The following IDO2 variants were observed in gnomAD, a reference collection of about 807,000 sequenced individuals.
IDO2 encodes indoleamine 2,3-dioxygenase 2.
Under a neutral mutation model 45.1 loss-of-function variants are expected in IDO2, and 46 were observed. The ratio of observed to expected loss-of-function variants is 1.02; its 90% CI spans 0.80 to 1.30. The LOEUF (loss-of-function observed/expected upper bound fraction) is 1.30. IDO2 is among the 50% of genes most tolerant of loss of function. The pLI, the probability that IDO2 is intolerant of heterozygous loss-of-function variation, is 0.00. For missense variants in IDO2, 544 were observed against 491.8 expected (o/e 1.11, Z -1.00); for synonymous variants, 218 against 184.9 (o/e 1.18, Z -1.45).
intron 2 of IDO2, among the ~76,000 whole-genome samples, chr8:39,952,519 A>C (rs1303457445): frequency 1.3e-5 from 2 of 152,152 alleles, no homozygotes; most frequent in African/African-American, 4.8e-5. Context: ...ATTCTATCCC[A>C]CTGTTTCTGT....
chr8:39,936,337 A>ATTTT, intron 1 of IDO2, among the ~76,000 whole-genome samples: 1 of 152,352 alleles, frequency 6.6e-6, no homozygotes, highest in Non-Finnish European at 1.5e-5. Flanking sequence ...ATCTTGGAAA[A>ATTTT]TGTGTGAGAA....
chr8:39,998,181 T>A (rs1246584633), intron 8 of IDO2: 1 of 159,580 alleles, frequency 6.3e-6, no homozygotes, highest in African/African-American at 2.4e-5. Flanking sequence ...ATCTTTCACT[T>A]GCCTCAGGTG....
chr8:39,948,938 T>C (rs1325243230), intron 1 of IDO2, among the ~76,000 whole-genome samples: 1 of 152,180 alleles, frequency 6.6e-6, no homozygotes, highest in Non-Finnish European at 1.5e-5. Flanking sequence ...TCTTTGAGTT[T>C]GTTTGGTTTG....
intron 5 of IDO2, among the ~76,000 whole-genome samples, chr8:39,984,741 A>C (rs1319127261): frequency 6.6e-6 from 1 of 152,204 alleles, no homozygotes; most frequent in African/African-American, 2.4e-5. Flanking sequence ...AGAGTGACTC[A>C]AACAATATGT....
intron 9 of IDO2, among the ~76,000 whole-genome samples, chr8:40,012,679 G>T (rs763731394): frequency 6.6e-6 from 1 of 152,104 alleles, no homozygotes; most frequent in Non-Finnish European, 1.5e-5. Flanking sequence ...GGCATAAAGA[G>T]GGGGAACTCA....
At chr8:39,997,451 G>A (rs765031055) in intron 8 of IDO2, among the ~76,000 whole-genome samples, 5 of 152,016 alleles carry the variant, frequency 3.3e-5, no homozygotes, top group Admixed American at 6.6e-5. Flanking sequence ...AGGCAGGATC[G>A]CTTGAGCCCA....
chr8:39,942,093 CAAAAATA>C (rs1369533103), intron 1 of IDO2, among the ~76,000 whole-genome samples: 3 of 151,290 alleles, frequency 2.0e-5, no homozygotes, highest in African/African-American at 2.4e-5. Flanking sequence ...AGCTTGTTTC[CAAAAATA>C]AAAAATAAGA....
intron 1 of IDO2, among the ~76,000 whole-genome samples, chr8:39,941,221 C>CAAAAAAAA (rs59745370): frequency 0.021 from 1,712 of 80,304 alleles, 184 homozygotes; most frequent in African/African-American, 0.089. Context: ...GACTCCATCT[C>CAAAAAAAA]AAAAAAAAAA....
Position 40,000,800 on chromosome 8 carries a change from T to C in IDO2, c.668-4527T>C, listed in dbSNP as rs1265916613. Among the ~76,000 whole-genome samples the C allele has an allele frequency of 2.6e-5, 4 of 152,244 alleles. No individual in the cohort carries two copies. In the East Asian group the frequency reaches 7.7e-4, roughly 29 times the overall value. On this transcript the variant is annotated intron_variant, in intron 8 of 10. Coordinates refer to ENST00000502986, the Ensembl canonical transcript of IDO2. ...TTAGTTTTATTGGCCAACACCAAAT[T>C]GTTCTTCACAATGTTTGAACTAAGT... is the stretch of plus-strand genomic sequence containing the variant.
chr8:39,977,757 G>A (rs1246248850), intron 3 of IDO2, among the ~76,000 whole-genome samples: 11 of 152,202 alleles, frequency 7.2e-5, no homozygotes, highest in African/African-American at 2.7e-4. Flanking sequence ...TCCCCTGCAA[G>A]CCTAGGGCAC....
chr8:39,940,318 T>A (rs1807624664), intron 1 of IDO2, among the ~76,000 whole-genome samples: 1 of 152,200 alleles, frequency 6.6e-6, no homozygotes, highest in Non-Finnish European at 1.5e-5. Context: ...AACAAATATT[T>A]ATTGAATACC....
At chr8:40,010,221 T>G (rs531708483) in intron 9 of IDO2, among the ~76,000 whole-genome samples, 70 of 152,260 alleles carry the variant, frequency 4.6e-4, no homozygotes, top group African/African-American at 1.6e-3. Flanking sequence ...TCTATGACAT[T>G]TGAGCAGACA....
At position 40,011,902 on chromosome 8, in the gene IDO2, A is replaced by T. The variant is rs140491633; in HGVS notation, c.720-1663A>T. On this transcript the variant is annotated intron_variant, in intron 9 of 10. Coordinates refer to ENST00000502986, the Ensembl canonical transcript of IDO2. Reference sequence around the variant, plus strand: ...CTGCAGCCTGTCAGGGCCTGGCAGCAGTAACCTCTCCTTTCCTCTTCCCAC... The same window carrying T: ...CTGCAGCCTGTCAGGGCCTGGCAGCTGTAACCTCTCCTTTCCTCTTCCCAC... Among the ~76,000 whole-genome samples, 195 of 152,330 alleles carry T rather than the reference A, an allele frequency of 1.3e-3. 1 individual carries two copies. Among genetic ancestry groups the T allele is most frequent in the African/African-American group, 4.5e-3 (186 of 41,578 alleles).
At chr8:40,004,270 C>T (rs540269357) in intron 8 of IDO2, among the ~76,000 whole-genome samples, 5 of 152,176 alleles carry the variant, frequency 3.3e-5, no homozygotes, top group Admixed American at 3.3e-4. Flanking sequence ...CACCCAGGCT[C>T]ATGGACACTT....
intron 4 of IDO2, among the ~76,000 whole-genome samples, chr8:39,981,115 G>T (rs1274814074): frequency 6.7e-6 from 1 of 149,328 alleles, no homozygotes; most frequent in Non-Finnish European, 1.5e-5. Flanking sequence ...AGGCTGGAGT[G>T]CAGTGGCACG....
chr8:39,958,810 A>C (rs1370320182), intron 2 of IDO2, among the ~76,000 whole-genome samples: 1 of 146,418 alleles, frequency 6.8e-6, no homozygotes, highest in Non-Finnish European at 1.5e-5. Context: ...TTCTTAGCCA[A>C]AATTTATACT....
intron 9 of IDO2, among the ~76,000 whole-genome samples, chr8:40,007,399 G>A (rs1306147327): frequency 6.6e-6 from 1 of 152,000 alleles, no homozygotes; most frequent in Non-Finnish European, 1.5e-5. Flanking sequence ...CCTTGTAGAG[G>A]GTACAGAGTG....
chr8:39,968,400 G>A (rs1389735838), intron 3 of IDO2, among the ~76,000 whole-genome samples: 1 of 152,162 alleles, frequency 6.6e-6, no homozygotes, highest in Non-Finnish European at 1.5e-5. Flanking sequence ...ATAGGGGAAT[G>A]TTTAGCATGA....
At chr8:39,979,016 C>T in intron 3 of IDO2, 51 bp from the exon 4 acceptor site, 1 of 1,547,354 alleles carries the variant, frequency 6.5e-7, no homozygotes, top group African/African-American at 1.4e-5. Context: ...GTTACCTCCC[C>T]TGTCCCGGTT....
Sources: allele counts gnomAD v4.1 joint callset (sites outside exome capture counted in the v4.1 genomes callset), GRCh38; gene constraint gnomAD v4.1.1; transcripts MANE v1.5; gene names NCBI Gene and HGNC (gene_info 2026-07-23, HGNC 2026-07-21).